KCNJ3: variants seen among roughly 807,000 people sequenced by gnomAD.
The protein encoded by KCNJ3 is G protein-activated inward rectifier potassium channel 1.
In KCNJ3, 4 loss-of-function variants were observed where a neutral mutation model predicts 39.2. The ratio of observed to expected loss-of-function variants is 0.10; its 90% CI spans 0.05 to 0.23. The LOEUF (loss-of-function observed/expected upper bound fraction) is 0.23, where lower values mean the gene tolerates loss of function less well. Ranked by LOEUF, KCNJ3 falls within the 10% of genes least tolerant of loss-of-function variation. KCNJ3 has a pLI of 1.00. For synonymous variants in KCNJ3, 230 were observed against 237.4 expected, an observed-to-expected ratio of 0.97 and a Z score of 0.29; for missense variants, 276 against 634.9, an observed-to-expected ratio of 0.43 and a Z score of 6.08.
At chr2:154,790,829 G>A (rs552248286) in intron 2 of KCNJ3, among the ~76,000 whole-genome samples, 3 of 152,172 alleles carry the variant, frequency 2.0e-5, no homozygotes, top group Admixed American at 2.0e-4. Flanking sequence ...GGAGTCCTGA[G>A]AGGTCTGCCA....
intron 2 of KCNJ3, among the ~76,000 whole-genome samples, chr2:154,794,144 T>A (rs576646861): frequency 6.6e-6 from 1 of 152,066 alleles, no homozygotes; most frequent in South Asian, 2.1e-4. Flanking sequence ...TGTCTTGGGC[T>A]ATTGGGTAAG....
intron 2 of KCNJ3, among the ~76,000 whole-genome samples, chr2:154,749,626 G>A (rs193219854): frequency 1.3e-5 from 2 of 152,092 alleles, no homozygotes; most frequent in South Asian, 2.1e-4. Flanking sequence ...CTTCTGGTTC[G>A]ATCACATAGT....
At chr2:154,711,720 C>T (rs1225457571) in intron 2 of KCNJ3, among the ~76,000 whole-genome samples, 1 of 152,028 alleles carries the variant, frequency 6.6e-6, no homozygotes, top group Non-Finnish European at 1.5e-5. Flanking sequence ...TTTTTGGCCC[C>T]TACATGGCAT....
At chr2:154,819,405 T>C (rs1687132946) in intron 2 of KCNJ3, among the ~76,000 whole-genome samples, 2 of 152,108 alleles carry the variant, frequency 1.3e-5, no homozygotes, top group African/African-American at 2.4e-5. Context: ...CTTAATTTTC[T>C]TTTTTCTGTT....
chr2:154,824,269 A>G (rs1035312205), intron 2 of KCNJ3, among the ~76,000 whole-genome samples: 1 of 152,154 alleles, frequency 6.6e-6, no homozygotes, highest in Non-Finnish European at 1.5e-5. Flanking sequence ...CTGGGAGGTC[A>G]TGGGTGCAGT....
At chr2:154,705,597 C>A (rs949868153) in intron 1 of KCNJ3, among the ~76,000 whole-genome samples, 2 of 152,024 alleles carry the variant, frequency 1.3e-5, no homozygotes, top group Admixed American at 1.3e-4. Flanking sequence ...AAATGTGACA[C>A]AACCCTTAAA....
intron 2 of KCNJ3, among the ~76,000 whole-genome samples, chr2:154,714,889 C>CAA: frequency 6.6e-6 from 1 of 152,178 alleles, no homozygotes; most frequent in South Asian, 2.1e-4. Context: ...TGAAGTGCAT[C>CAA]ATATATAATG....
intron 2 of KCNJ3, among the ~76,000 whole-genome samples, chr2:154,798,159 A>G (rs1686752405): frequency 6.6e-6 from 1 of 150,658 alleles, no homozygotes; most frequent in Non-Finnish European, 1.5e-5. Context: ...AAATGTACCT[A>G]TACCACAAAT....
intron 2 of KCNJ3, among the ~76,000 whole-genome samples, chr2:154,757,383 G>A (rs1364209716): frequency 6.6e-6 from 1 of 152,006 alleles, no homozygotes; most frequent in East Asian, 1.9e-4. Flanking sequence ...CAGAACTAGT[G>A]CTTCTAGAGT....
chr2:154,819,600 G>A (rs746172419), intron 2 of KCNJ3, among the ~76,000 whole-genome samples: 3 of 151,628 alleles, frequency 2.0e-5, no homozygotes, highest in African/African-American at 4.8e-5. Context: ...GCATGATCTC[G>A]GCTCACTGCA....
intron 2 of KCNJ3, among the ~76,000 whole-genome samples, chr2:154,844,811 G>GTAT (rs1394284607): frequency 6.6e-6 from 1 of 152,204 alleles, no homozygotes; most frequent in East Asian, 1.9e-4. Flanking sequence ...GAAAAGCACA[G>GTAT]TATTTGGGCA....
intron 2 of KCNJ3, among the ~76,000 whole-genome samples, chr2:154,741,818 T>C (rs1225666301): frequency 1.3e-5 from 2 of 151,934 alleles, no homozygotes; most frequent in East Asian, 3.9e-4. Flanking sequence ...ATCATTGATG[T>C]AGCTAAGACA....
At chr2:154,743,809 A>T (rs1180934905) in intron 2 of KCNJ3, among the ~76,000 whole-genome samples, 1 of 150,974 alleles carries the variant, frequency 6.6e-6, no homozygotes, top group African/African-American at 2.4e-5. Context: ...ACATGAACAC[A>T]TTTTCTGTTT....
intron 2 of KCNJ3, among the ~76,000 whole-genome samples, chr2:154,779,471 T>C (rs1020840704): frequency 7.5e-6 from 1 of 133,596 alleles, no homozygotes; most frequent in African/African-American, 3.2e-5. Context: ...ATATGTTGTA[T>C]ATATTATATA....
intron 1 of KCNJ3, among the ~76,000 whole-genome samples, chr2:154,707,208 G>A (rs1315869298): frequency 6.6e-6 from 1 of 152,026 alleles, no homozygotes; most frequent in South Asian, 2.1e-4. Context: ...TCGTATAATA[G>A]GAAGACCTGG....
chr2:154,799,241 T>C (rs1686770632), intron 2 of KCNJ3, among the ~76,000 whole-genome samples: 1 of 152,114 alleles, frequency 6.6e-6, no homozygotes, highest in Admixed American at 6.6e-5. Flanking sequence ...AAATGATTCC[T>C]ATGCCTCAGC....
intron 2 of KCNJ3, among the ~76,000 whole-genome samples, chr2:154,763,850 G>A (rs1288654951): frequency 6.6e-6 from 1 of 152,150 alleles, no homozygotes; most frequent in Non-Finnish European, 1.5e-5. Flanking sequence ...ATAGAAACAA[G>A]TGAAAAGATT....
At chr2:154,710,806 CA>C (rs1685091941) in intron 2 of KCNJ3, among the ~76,000 whole-genome samples, 1 of 152,066 alleles carries the variant, frequency 6.6e-6, no homozygotes, top group Non-Finnish European at 1.5e-5. Flanking sequence ...CAGATAAATT[CA>C]AGCTTTATAC....
At chr2:154,744,872 A>C (rs1043021183) in intron 2 of KCNJ3, among the ~76,000 whole-genome samples, 12 of 151,884 alleles carry the variant, frequency 7.9e-5, no homozygotes, top group African/African-American at 2.9e-4. Flanking sequence ...TAGTGCTATA[A>C]GTTTCCATCT....
Sources: allele counts gnomAD v4.1 joint callset (sites outside exome capture counted in the v4.1 genomes callset), GRCh38; gene constraint gnomAD v4.1.1; transcripts MANE v1.5; gene names NCBI Gene and HGNC (gene_info 2026-07-23, HGNC 2026-07-21).